The following BRDT variants were observed in gnomAD, a reference collection of about 807,000 sequenced individuals.
BRDT encodes the protein bromodomain testis associated.
BRDT carries 77 observed loss-of-function variants against 113.9 expected under a neutral mutation model. The observed-to-expected ratio is 0.68, with a 90% CI of 0.56 to 0.82. The LOEUF (loss-of-function observed/expected upper bound fraction) is 0.82. BRDT is among the 40% of genes least tolerant of loss of function. BRDT has a pLI of 0.00. For missense variants in BRDT, 1,027 were observed against 1,105.4 expected (o/e 0.93, Z 1.01); for synonymous variants, 358 against 366.5 (o/e 0.98, Z 0.26).
intron 15 of BRDT, among the ~76,000 whole-genome samples, chr1:91,997,611 C>G (rs1686465343): frequency 1.3e-5 from 2 of 152,080 alleles, no homozygotes; most frequent in Non-Finnish European, 2.9e-5. Context: ...AGAAAACACC[C>G]TATCTATGAA....
intron 1 of BRDT, among the ~76,000 whole-genome samples, chr1:91,951,443 G>C (rs1570396518): frequency 6.6e-6 from 1 of 151,966 alleles, no homozygotes; most frequent in South Asian, 2.1e-4. Flanking sequence ...AAGTGGCTGA[G>C]ATTGGCATAA....
intron 15 of BRDT, 24 bp from the exon 16 acceptor site, chr1:92,002,025 T>A: frequency 6.7e-7 from 1 of 1,502,438 alleles, no homozygotes; most frequent in Non-Finnish European, 9.2e-7. Flanking sequence ...TTAATTATAC[T>A]ATTCTAAAAA....
At chr1:91,999,378 A>T (rs899531373) in intron 15 of BRDT, among the ~76,000 whole-genome samples, 4 of 152,156 alleles carry the variant, frequency 2.6e-5, no homozygotes, top group Non-Finnish European at 5.9e-5. Context: ...TTCATGTAAA[A>T]ATATTTTTCA....
At chr1:91,963,800 T>C (rs1479728890) in intron 2 of BRDT, among the ~76,000 whole-genome samples, 4 of 151,796 alleles carry the variant, frequency 2.6e-5, no homozygotes. Context: ...TTTTTTTTTT[T>C]TTTTTTAGCA....
At chr1:91,991,293 T>C in intron 13 of BRDT, 48 bp downstream of exon 13, 1 of 1,128,622 alleles carries the variant, frequency 8.9e-7, no homozygotes, top group Non-Finnish European at 1.3e-6. Context: ...TATGTATAAC[T>C]CATGGGTATA....
chr1:91,952,939 G>A (rs1681281420), intron 1 of BRDT, among the ~76,000 whole-genome samples: 1 of 152,080 alleles, frequency 6.6e-6, no homozygotes, highest in Admixed American at 6.6e-5. Flanking sequence ...AAGGAATATT[G>A]TAATTCATTT....
chr1:92,002,889 T>C (rs1295672114), intron 16 of BRDT, among the ~76,000 whole-genome samples: 1 of 152,210 alleles, frequency 6.6e-6, no homozygotes, highest in Admixed American at 6.5e-5. Context: ...TTAAGATACA[T>C]AAGGTACTGT....
chr1:91,977,584 T>G, intron 6 of BRDT, 191 bp downstream of exon 6: 1 of 468,776 alleles, frequency 2.1e-6, no homozygotes. Context: ...ATGTCCATGG[T>G]TCTAGGCCGG....
Position 91,979,683 on chromosome 1 carries a change from G to A in BRDT, c.1213G>A (p.Ala405Thr), listed in dbSNP as rs146150616. The change falls in exon 8 of 19, where the codon GCC (alanine) becomes ACC (threonine). Residue 405 changes from alanine to threonine, a missense_variant. Coordinates refer to ENST00000399546, the MANE Select transcript of BRDT (RefSeq NM_207189.4). ...ETTGRENTNE[A>T]SSEGNSSDDS... ...CACTGGTAGAGAGAACACTAATGAA[G>A]CCTCCTCTGAAGGGAACTCTTCTGA... The A allele has an allele frequency of 2.4e-4, 389 of 1,613,932 alleles. 1 individual carries two copies. Among genetic ancestry groups the A allele is most frequent in the Non-Finnish European group, 5.1e-5 (60 of 1,180,006 alleles).
chr1:91,976,567 A>G, intron 5 of BRDT, 129 bp downstream of exon 5: 1 of 894,330 alleles, frequency 1.1e-6, no homozygotes, highest in East Asian at 2.9e-5. Flanking sequence ...AGCAATCTGA[A>G]ATAATACTGT....
At chr1:92,013,724 G>T (rs570195829) in intron 18 of BRDT, among the ~76,000 whole-genome samples, 1 of 152,254 alleles carries the variant, frequency 6.6e-6, no homozygotes, top group South Asian at 2.1e-4. Context: ...AATAGACTAG[G>T]TTACACAGTT....
chr1:92,002,109 C>T lies in BRDT; in HGVS notation c.2348C>T (p.Thr783Ile). The change falls in exon 16 of 19, where the codon ACA becomes ATA. Residue 783 changes from threonine to isoleucine, a missense_variant. Transcript: ENST00000399546. ...TVMHPSGDSD[T>I]TMLESECQAP... ...ATGCATCCATCTGGTGATAGTGACA[C>T]AACGATGTTAGAATCTGAATGTCAA... 6.2e-7 allele frequency: 1 copy of T among 1,613,776 alleles called. No homozygotes were observed. The highest frequency in any genetic ancestry group is 1.1e-5 in the South Asian group (1 of 91,058).
Position 91,977,394 on chromosome 1 carries a change from G to A in BRDT, c.969+1G>A, listed in dbSNP as rs1318169634. On this transcript the variant is annotated splice_donor_variant, in intron 6 of 18. Coordinates refer to ENST00000399546, the MANE Select transcript of BRDT (RefSeq NM_207189.4). LOFTEE classifies it high-confidence loss of function. The stretch of plus-strand genomic sequence containing the variant: ...TCCGATGGATCTTGGAACTATTAAG[G>A]TAAATGTTGCCTTAAAAGGAAGAAC... 1.3e-6 allele frequency: 2 copies of A among 1,523,974 alleles called. No individual in the cohort carries two copies. Among genetic ancestry groups the A allele is most frequent in the Non-Finnish European group, 1.8e-6 (2 of 1,135,984 alleles). The allele number at this position is 1,523,974 out of a possible 1,614,324, so 94.4% of individuals were successfully genotyped here. A position where few individuals can be genotyped will look rare whatever the true frequency, so the allele number is the denominator to read the frequency against.
intron 2 of BRDT, among the ~76,000 whole-genome samples, chr1:91,963,188 T>C (rs1433429449): frequency 6.6e-6 from 1 of 152,170 alleles, no homozygotes; most frequent in Non-Finnish European, 1.5e-5. Context: ...CCGGGCGTGG[T>C]GGCACATGCC....
rs1685865384 is a variant in BRDT at position 91,992,343 on chromosome 1, A to G, written c.2115+29A>G. On this transcript the variant is annotated intron_variant, in intron 14 of 18. Transcript: ENST00000399546. ...ATGCTTAAAATGTGTTTTAAAGAAC[A>G]GGGGAAGAAATGGTTTACATATAGA... 6.4e-6 allele frequency: 9 copies of G among 1,398,870 alleles called. No individual in the cohort carries two copies. In the Middle Eastern group the frequency reaches 5.5e-4, roughly 86 times the overall value. 86.7% of individuals were successfully genotyped at this position (1,398,870 alleles called of 1,614,324 possible).
chr1:91,953,858 A>C (rs543981883), intron 1 of BRDT, among the ~76,000 whole-genome samples: 1 of 152,198 alleles, frequency 6.6e-6, no homozygotes, highest in Admixed American at 6.6e-5. Context: ...GTTTTTGAAC[A>C]GTTGTAATGA....
intron 18 of BRDT, among the ~76,000 whole-genome samples, chr1:92,010,988 A>C (rs1687749629): frequency 1.3e-5 from 2 of 151,516 alleles, no homozygotes; most frequent in African/African-American, 4.9e-5. Context: ...TTTTCCCAGC[A>C]ATCTCAGTCA....
At chr1:91,974,917 T>A (rs1359487932) in intron 4 of BRDT, among the ~76,000 whole-genome samples, 1 of 152,024 alleles carries the variant, frequency 6.6e-6, no homozygotes, top group Non-Finnish European at 1.5e-5. Context: ...ATTAAGAAAA[T>A]GTGGCACATA....
At chr1:91,956,775 C>G (rs1681813813) in intron 1 of BRDT, among the ~76,000 whole-genome samples, 1 of 151,946 alleles carries the variant, frequency 6.6e-6, no homozygotes, top group African/African-American at 2.4e-5. Context: ...CTGGCTCCCC[C>G]CCTTTCCTGA....
Sources: gnomAD v4.1 joint callset for allele counts (sites outside exome capture counted in the v4.1 genomes callset) on GRCh38, gnomAD v4.1.1 for gene constraint, MANE v1.5 for transcripts, NCBI Gene and HGNC (gene_info 2026-07-23, HGNC 2026-07-21) for gene names.